LRRC4C: variants seen among roughly 807,000 people sequenced by gnomAD.
The protein encoded by LRRC4C is leucine-rich repeat-containing protein 4C.
LRRC4C carries 5 observed loss-of-function variants against 33.6 expected under a neutral mutation model. The ratio of observed to expected loss-of-function variants is 0.15; its 90% CI spans 0.08 to 0.31. The LOEUF (loss-of-function observed/expected upper bound fraction) is 0.31, where lower values mean the gene tolerates loss of function less well. Among genes scored for constraint, LRRC4C ranks in the 10% least tolerant of loss-of-function variants. The pLI is 1.00. For missense variants in LRRC4C, 560 were observed against 796.7 expected (o/e 0.70, Z 3.58); for synonymous variants, 329 against 302.0 (o/e 1.09, Z -0.93).
At chr11:40,840,877 G>A (rs7943105) in intron 2 of LRRC4C, among the ~76,000 whole-genome samples, 7,400 of 152,092 alleles carry the variant, frequency 0.049, 448 homozygotes, top group African/African-American at 0.14. Context: ...GGAACCAAAT[G>A]GAATTTTTCA....
Position 41,453,811 on chromosome 11 carries a change from A to G in LRRC4C, c.-496+5620T>C, listed in dbSNP as rs1336310173. Reference sequence around the variant, plus strand: ...TTTTCTTGGTGTGTGTTGGTAATATATTTTGCAGTATATCACAAAAGGAAT... The same window carrying G: ...TTTTCTTGGTGTGTGTTGGTAATATGTTTTGCAGTATATCACAAAAGGAAT... On this transcript the variant is annotated intron_variant, in intron 1 of 6. Coordinates refer to ENST00000528697, the MANE Select transcript of LRRC4C (RefSeq NM_001258419.2). 2.6e-5 allele frequency among the ~76,000 whole-genome samples: 4 copies of G among 152,064 alleles called. No homozygotes were observed. The East Asian group carries it at 5.8e-4, about 22-fold the overall frequency.
At chr11:40,460,044 C>T (rs111874871) in intron 3 of LRRC4C, among the ~76,000 whole-genome samples, 6,206 of 152,200 alleles carry the variant, frequency 0.041, 411 homozygotes, top group African/African-American at 0.14. Context: ...GAACAGAAAG[C>T]AGCAAGACAA....
intron 1 of LRRC4C, among the ~76,000 whole-genome samples, chr11:41,289,841 G>A (rs1034489780): frequency 6.6e-6 from 1 of 152,138 alleles, no homozygotes. Context: ...GTCAAGACAG[G>A]CAAATGCATA....
intron 2 of LRRC4C, among the ~76,000 whole-genome samples, chr11:40,765,774 GCAGT>G (rs1051381539): frequency 2.7e-4 from 40 of 150,690 alleles, no homozygotes; most frequent in African/African-American, 9.5e-4. Flanking sequence ...TTGAAAATAT[GCAGT>G]CAGAGAAGAA....
chr11:40,762,279 T>C (rs1949252414), intron 2 of LRRC4C, among the ~76,000 whole-genome samples: 1 of 152,180 alleles, frequency 6.6e-6, no homozygotes, highest in Admixed American at 6.5e-5. Flanking sequence ...TTGGTGATAC[T>C]TTTTCATGAG....
chr11:40,338,978 T>G (rs1378727274), intron 3 of LRRC4C, among the ~76,000 whole-genome samples: 1 of 152,240 alleles, frequency 6.6e-6, no homozygotes. Flanking sequence ...GCGTTCATCC[T>G]TTTCCTGTTT....
chr11:40,176,930 CTTTTTTT>C (rs36015905), intron 5 of LRRC4C, among the ~76,000 whole-genome samples: 2 of 82,628 alleles, frequency 2.4e-5, no homozygotes, highest in African/African-American at 1.0e-4. Flanking sequence ...CTGCCAGAGT[CTTTTTTT>C]TTTTTTTTTT....
intron 2 of LRRC4C, among the ~76,000 whole-genome samples, chr11:40,887,207 A>T (rs571162994): frequency 3.2e-5 from 1 of 31,280 alleles, no homozygotes; most frequent in Non-Finnish European, 1.3e-4. Context: ...GCTAATACAC[A>T]TAAAAAAAAG....
At chr11:40,465,491 A>G (rs1420939121) in intron 3 of LRRC4C, among the ~76,000 whole-genome samples, 1 of 152,004 alleles carries the variant, frequency 6.6e-6, no homozygotes, top group African/African-American at 2.4e-5. Context: ...TGTAAAAGAC[A>G]TAATCAACAG....
chr11:40,363,149 A>G (rs548555734), intron 3 of LRRC4C, among the ~76,000 whole-genome samples: 1 of 152,296 alleles, frequency 6.6e-6, no homozygotes, highest in African/African-American at 2.4e-5. Flanking sequence ...AAGACATGAA[A>G]TCATCCTAAA....
chr11:41,275,222 C>T (rs1463394968), intron 1 of LRRC4C, among the ~76,000 whole-genome samples: 3 of 152,192 alleles, frequency 2.0e-5, no homozygotes, highest in Admixed American at 6.5e-5. Flanking sequence ...GCCAGATAAA[C>T]GTCTTTTACT....
intron 2 of LRRC4C, among the ~76,000 whole-genome samples, chr11:40,707,731 A>G (rs987491929): frequency 3.3e-5 from 5 of 152,180 alleles, no homozygotes; most frequent in African/African-American, 1.2e-4. Flanking sequence ...TCATAAAATG[A>G]GTTAGGGAGG....
chr11:40,835,153 T>C (rs112947308), intron 2 of LRRC4C, among the ~76,000 whole-genome samples: 9,145 of 152,148 alleles, frequency 0.06, 405 homozygotes, highest in African/African-American at 0.11. Flanking sequence ...CATCCTGATA[T>C]TTCTTTCCCT....
At chr11:40,666,426 G>A (rs184058818) in intron 2 of LRRC4C, among the ~76,000 whole-genome samples, 1 of 152,200 alleles carries the variant, frequency 6.6e-6, no homozygotes, top group Non-Finnish European at 1.5e-5. Flanking sequence ...GGAGGAGTCA[G>A]TTGTGTCTAC....
intron 2 of LRRC4C, among the ~76,000 whole-genome samples, chr11:40,813,620 T>A (rs937833378): frequency 1.1e-4 from 16 of 152,034 alleles, no homozygotes; most frequent in Non-Finnish European, 2.2e-4. Context: ...TTCCCAATAG[T>A]CCCCAAAGTC....
At chr11:40,347,086 G>A (rs995573451) in intron 3 of LRRC4C, among the ~76,000 whole-genome samples, 2 of 152,236 alleles carry the variant, frequency 1.3e-5, no homozygotes, top group African/African-American at 2.4e-5. Flanking sequence ...TGCTATGGAA[G>A]TCTTGGATGG....
intron 2 of LRRC4C, among the ~76,000 whole-genome samples, chr11:40,902,149 C>A (rs1956237723): frequency 6.6e-6 from 1 of 151,764 alleles, no homozygotes; most frequent in Non-Finnish European, 1.5e-5. Context: ...ACAATTCGAT[C>A]GGTGGTGTTT....
chr11:40,987,859 G>T (rs1043078386), intron 1 of LRRC4C, among the ~76,000 whole-genome samples: 1 of 151,782 alleles, frequency 6.6e-6, no homozygotes, highest in Admixed American at 6.6e-5. Flanking sequence ...ATAGTGCCAT[G>T]CTGGTCTCTT....
Position 40,465,701 on chromosome 11 carries a change from C to T in LRRC4C, c.-269-145980G>A, listed in dbSNP as rs1158912832. On this transcript the variant is annotated intron_variant, in intron 3 of 6. Transcript: ENST00000528697. ...ATGAACAAGCTTATGAATAAATGCTCAACGTTATTAATCACCAGAGAAGTG... is the reference window on the plus strand; with the variant it reads ...ATGAACAAGCTTATGAATAAATGCTTAACGTTATTAATCACCAGAGAAGTG... 2.6e-5 allele frequency among the ~76,000 whole-genome samples: 4 copies of T among 151,890 alleles called. No homozygotes were observed. In the East Asian group the frequency reaches 7.7e-4, roughly 29 times the overall value.
Sources: allele counts gnomAD v4.1 joint callset (sites outside exome capture counted in the v4.1 genomes callset), GRCh38; gene constraint gnomAD v4.1.1; transcripts MANE v1.5; gene names NCBI Gene and HGNC (gene_info 2026-07-23, HGNC 2026-07-21).